The following PDZRN3 variants were observed in gnomAD, a reference collection of about 807,000 sequenced individuals.
PDZRN3 encodes PDZ domain containing ring finger 3, also known as E3 ubiquitin-protein ligase PDZRN3.
In PDZRN3, 38 loss-of-function variants were observed where a neutral mutation model predicts 85.7. The ratio of observed to expected loss-of-function variants is 0.44; its 90% CI spans 0.34 to 0.58. PDZRN3 has a LOEUF of 0.58. Among genes scored for constraint, PDZRN3 ranks in the 20% least tolerant of loss-of-function variants. PDZRN3 has a pLI of 0.01. For synonymous variants in PDZRN3, 759 were observed against 638.0 expected, an observed-to-expected ratio of 1.19 and a Z score of -2.86; for missense variants, 1,629 against 1,506.4, an observed-to-expected ratio of 1.08 and a Z score of -1.35.
intron 3 of PDZRN3, among the ~76,000 whole-genome samples, chr3:73,456,184 ATGTGTG>A (rs10608893): frequency 0.17 from 25,490 of 150,662 alleles, 2,113 homozygotes; most frequent in Non-Finnish European, 0.19. Context: ...GAGAAGAAAA[ATGTGTG>A]TGTGTGTGTG....
chr3:73,435,460 C>A lies in PDZRN3; in HGVS notation c.919-31065G>T, dbSNP rs1559678365. ...ATTAACCCATGAGTACGTTATTGGC[C>A]CTCTGGTCTCTTAATCTCTAAATAA... On this transcript the variant is annotated intron_variant, in intron 3 of 9. Coordinates refer to ENST00000263666, the MANE Select transcript of PDZRN3 (RefSeq NM_015009.3). 2.0e-5 allele frequency among the ~76,000 whole-genome samples: 3 copies of A among 152,132 alleles called. No homozygotes were observed. The South Asian group carries it at 6.2e-4, about 32-fold the overall frequency.
intron 3 of PDZRN3, among the ~76,000 whole-genome samples, chr3:73,451,341 C>A (rs1170909881): frequency 2.6e-5 from 4 of 152,114 alleles, no homozygotes; most frequent in African/African-American, 9.7e-5. Context: ...GGATGTGTGG[C>A]TCTATGTGTT....
intron 3 of PDZRN3, among the ~76,000 whole-genome samples, chr3:73,594,656 A>C (rs1702407705): frequency 1.3e-5 from 2 of 152,138 alleles, no homozygotes; most frequent in African/African-American, 2.4e-5. Context: ...TTTCCATTTC[A>C]ACATGTTCCT....
chr3:73,538,090 T>G (rs1559728140), intron 3 of PDZRN3, among the ~76,000 whole-genome samples: 1 of 152,144 alleles, frequency 6.6e-6, no homozygotes. Context: ...TGGAGCACAT[T>G]TACAACTGGG....
At chr3:73,558,356 A>G (rs1701745009) in intron 3 of PDZRN3, among the ~76,000 whole-genome samples, 1 of 152,250 alleles carries the variant, frequency 6.6e-6, no homozygotes, top group Non-Finnish European at 1.5e-5. Flanking sequence ...TCTAAGTATC[A>G]TGGCAAGATT....
At chr3:73,586,415 T>C (rs550056789) in intron 3 of PDZRN3, among the ~76,000 whole-genome samples, 23 of 152,340 alleles carry the variant, frequency 1.5e-4, no homozygotes, top group Non-Finnish European at 5.9e-5. Context: ...CAGAAGTTGA[T>C]TGTGTGACTT....
chr3:73,600,938 A>C (rs1702507619), intron 3 of PDZRN3, among the ~76,000 whole-genome samples: 3 of 152,208 alleles, frequency 2.0e-5, no homozygotes, highest in Admixed American at 6.5e-5. Context: ...CCATGCAGCA[A>C]AAAAAGCTCC....
chr3:73,446,183 C>T (rs1040474196), intron 3 of PDZRN3, among the ~76,000 whole-genome samples: 4 of 151,956 alleles, frequency 2.6e-5, no homozygotes, highest in South Asian at 2.1e-4. Context: ...GAGGGGTCCC[C>T]GTCAGCACTC....
At chr3:73,541,495 C>T (rs1704921012) in intron 3 of PDZRN3, among the ~76,000 whole-genome samples, 1 of 152,120 alleles carries the variant, frequency 6.6e-6, no homozygotes, top group Non-Finnish European at 1.5e-5. Flanking sequence ...GTTAAGTAAC[C>T]TTAGTTATGT....
At chr3:73,613,319 GA>G (rs558695669) in intron 1 of PDZRN3, among the ~76,000 whole-genome samples, 3 of 152,134 alleles carry the variant, frequency 2.0e-5, no homozygotes, top group Non-Finnish European at 4.4e-5. Flanking sequence ...TGGGCCAGGA[GA>G]AGGGGAAATC....
At chr3:73,610,363 G>C (rs551778900) in intron 1 of PDZRN3, among the ~76,000 whole-genome samples, 7 of 152,130 alleles carry the variant, frequency 4.6e-5, no homozygotes, top group Non-Finnish European at 8.8e-5. Flanking sequence ...AAAATGTTCT[G>C]ACAAACAGCA....
intron 3 of PDZRN3, among the ~76,000 whole-genome samples, chr3:73,555,783 T>C (rs569266125): frequency 2.0e-5 from 3 of 152,350 alleles, no homozygotes; most frequent in African/African-American, 7.2e-5. Context: ...GTTTTCTATT[T>C]CTGAATTGAA....
At chr3:73,405,259 C>T (rs905422415) in intron 3 of PDZRN3, among the ~76,000 whole-genome samples, 4 of 152,196 alleles carry the variant, frequency 2.6e-5, no homozygotes, top group Non-Finnish European at 5.9e-5. Flanking sequence ...ACTCACTCAA[C>T]CCAGCTATCT....
At chr3:73,545,255 C>T (rs1242590043) in intron 3 of PDZRN3, among the ~76,000 whole-genome samples, 1 of 152,172 alleles carries the variant, frequency 6.6e-6, no homozygotes, top group Non-Finnish European at 1.5e-5. Context: ...GGGCCCCTTT[C>T]ATTAAAGCCT....
chr3:73,398,459 A>T (rs1259300284), intron 5 of PDZRN3, among the ~76,000 whole-genome samples: 2 of 152,162 alleles, frequency 1.3e-5, no homozygotes, highest in African/African-American at 2.4e-5. Context: ...TAAAGTGCAG[A>T]TTCTGATTCT....
chr3:73,539,914 G>A (rs569941410), intron 3 of PDZRN3, among the ~76,000 whole-genome samples: 2 of 151,782 alleles, frequency 1.3e-5, no homozygotes, highest in Admixed American at 6.6e-5. Flanking sequence ...GGTTAATTGT[G>A]GTGAGCATAA....
chr3:73,476,818 G>T (rs571010624), intron 3 of PDZRN3, among the ~76,000 whole-genome samples: 2 of 152,276 alleles, frequency 1.3e-5, no homozygotes, highest in East Asian at 3.9e-4. Flanking sequence ...TGAGTGAGCC[G>T]TCATGGAAGC....
chr3:73,511,054 TA>T (rs1704154633), intron 3 of PDZRN3, among the ~76,000 whole-genome samples: 1 of 152,116 alleles, frequency 6.6e-6, no homozygotes, highest in Admixed American at 6.5e-5. Flanking sequence ...GCTTTTAACA[TA>T]TACAAAGGGA....
chr3:73,391,019 T>C lies in PDZRN3; in HGVS notation c.1352A>G (p.Glu451Gly). 6.2e-7 allele frequency: 1 copy of C among 1,603,546 alleles called. No homozygotes were observed. Among genetic ancestry groups the C allele is most frequent in the Non-Finnish European group, 8.5e-7 (1 of 1,170,666 alleles). Residue 451 changes from glutamate to glycine, a missense_variant and splice_region_variant, in exon 6 of 10, where the codon GAG becomes GGG. By Grantham distance (98) the Glu-to-Gly change is moderately conservative. Transcript: ENST00000263666. ...DEDDIGIYIS[E>G]IDPNSIAAKD... ...GAAAAACAAAATCAGCCTTTGTACC[T>C]CACTGATATAAATCCCAATGTCGTC... is the stretch of plus-strand genomic sequence containing the variant.
Sources: allele counts gnomAD v4.1 joint callset (sites outside exome capture counted in the v4.1 genomes callset), GRCh38; gene constraint gnomAD v4.1.1; transcripts MANE v1.5; gene names NCBI Gene and HGNC (gene_info 2026-07-23, HGNC 2026-07-21).